Variants in PCDHGA4 observed in about 807,000 individuals in gnomAD.
PCDHGA4 encodes protocadherin gamma subfamily A, 4.
PCDHGA4 carries 38 observed loss-of-function variants against 54.6 expected under a neutral mutation model. The ratio of observed to expected loss-of-function variants is 0.70; its 90% CI spans 0.54 to 0.91. The LOEUF is 0.91. PCDHGA4 is among the 40% of genes least tolerant of loss of function. The pLI, the probability that PCDHGA4 is intolerant of heterozygous loss-of-function variation, is 0.00. For synonymous variants in PCDHGA4, 511 were observed against 512.9 expected, an observed-to-expected ratio of 1.00 and a Z score of 0.05; for missense variants, 1,298 against 1,220.9, an observed-to-expected ratio of 1.06 and a Z score of -0.94.
chr5:141,421,837 G>A, intron 1 of PCDHGA4: 1 of 1,613,782 alleles, frequency 6.2e-7, no homozygotes. Flanking sequence ...CCTGGACCGA[G>A]AGAAAGAGGC....
chr5:141,405,222 T>A, intron 1 of PCDHGA4: 5 of 1,613,886 alleles, frequency 3.1e-6, no homozygotes, highest in Non-Finnish European at 4.2e-6. Context: ...TCTCAGGAGT[T>A]CTCCCTCACC....
At chr5:141,372,101 C>T (rs984585015) in intron 1 of PCDHGA4, 8 of 1,613,794 alleles carry the variant, frequency 5.0e-6, no homozygotes, top group Middle Eastern at 1.7e-4. Context: ...CTCTGGGGCC[C>T]GAAGGCTCTG....
intron 1 of PCDHGA4, chr5:141,376,357 A>G: frequency 6.2e-7 from 1 of 1,614,012 alleles, no homozygotes; most frequent in Non-Finnish European, 8.5e-7. Context: ...ACGAGGTCTC[A>G]CTCACTGCAG....
At chr5:141,361,594 G>A in intron 1 of PCDHGA4, 1 of 1,614,056 alleles carries the variant, frequency 6.2e-7, no homozygotes, top group East Asian at 2.2e-5. Flanking sequence ...CAGTGGCCAA[G>A]TTTCCTACTC....
intron 1 of PCDHGA4, among the ~76,000 whole-genome samples, chr5:141,438,828 A>T (rs1364963084): frequency 6.7e-6 from 1 of 149,956 alleles, no homozygotes; most frequent in Non-Finnish European, 1.5e-5. Context: ...TGCCCAGCTA[A>T]TTTTTTAAAA....
intron 1 of PCDHGA4, chr5:141,359,904 T>C (rs1246134687): frequency 3.7e-5 from 15 of 410,546 alleles, no homozygotes; most frequent in Admixed American, 4.0e-5. Context: ...TGACAAGCCA[T>C]TAGTGCAGTT....
chr5:141,425,177 GGAATTCCAAACTGA>G (rs2096860295), intron 1 of PCDHGA4, among the ~76,000 whole-genome samples: 1 of 152,036 alleles, frequency 6.6e-6, no homozygotes, highest in South Asian at 2.1e-4. Flanking sequence ...TTATACTTGT[GGAATTCCAAACTGA>G]GAAAAATGAT....
At chr5:141,389,432 C>G in intron 1 of PCDHGA4, 1 of 1,610,650 alleles carries the variant, frequency 6.2e-7, no homozygotes, top group Non-Finnish European at 8.5e-7. Context: ...TCGCGCAGCG[C>G]GCCTTCGACC....
chr5:141,396,025 T>G (rs1486088514), intron 1 of PCDHGA4: 4 of 152,248 alleles, frequency 2.6e-5, no homozygotes, highest in African/African-American at 2.4e-5. Context: ...TTGTAAAATA[T>G]GTAAGAACAT....
intron 1 of PCDHGA4, chr5:141,427,093 G>A (rs1446677593): frequency 2.2e-6 from 1 of 458,122 alleles, no homozygotes. Flanking sequence ...CAGGATGAGG[G>A]TGTCAATGCG....
Position 141,357,605 on chromosome 5 carries a change from G to A in PCDHGA4, c.2498G>A (p.Gly833Glu). The A allele has an allele frequency of 1.2e-6, 2 of 1,614,024 alleles. No individual in the cohort carries two copies. The highest frequency in any genetic ancestry group is 1.7e-6 in the Non-Finnish European group (2 of 1,179,938). The change falls in exon 1 of 4, where the codon GGA becomes GAA. Residue 833 changes from glycine to glutamate, a missense_variant. Physicochemically the swap from Gly to Glu is moderately conservative, Grantham distance 98. Coordinates refer to ENST00000571252, the MANE Select transcript of PCDHGA4 (RefSeq NM_018917.4). ...LITQDLLETKGDPNLQQAPPN... is the reference protein window; with the variant it reads ...LITQDLLETKEDPNLQQAPPN... ...ACTCAGGATTTACTTGAAACAAAAG[G>A]AGACCCTAATCTTCAGGTGAGTCAA...
At chr5:141,376,679 T>G (rs1008866087) in intron 1 of PCDHGA4, 29 of 528,326 alleles carry the variant, frequency 5.5e-5, no homozygotes, top group East Asian at 4.1e-5. Flanking sequence ...GGGTATCGTT[T>G]TTTTTTTTTT....
chr5:141,502,126 A>C (rs2154593060), intron 2 of PCDHGA4, among the ~76,000 whole-genome samples: 1 of 152,252 alleles, frequency 6.6e-6, no homozygotes, highest in South Asian at 2.1e-4. Flanking sequence ...AGGCCCACAG[A>C]GCTCAGTCGG....
At chr5:141,462,459 C>T (rs190781980) in intron 1 of PCDHGA4, among the ~76,000 whole-genome samples, 11 of 152,128 alleles carry the variant, frequency 7.2e-5, no homozygotes, top group Admixed American at 2.6e-4. Flanking sequence ...TAACTGAAAA[C>T]TGTGTATTCT....
Position 141,419,399 on chromosome 5 carries a change from G to C in PCDHGA4, c.2514+61778G>C, listed in dbSNP as rs893535249. On this transcript the variant is annotated intron_variant, in intron 1 of 3. Coordinates refer to ENST00000571252, the MANE Select transcript of PCDHGA4 (RefSeq NM_018917.4). ...GTCCGTGAGCGCGCAGAGCGGGGTG[G>C]TGTTCGCGCAGCGCGCCTTCGACCA... 1.7e-5 allele frequency: 28 copies of C among 1,613,470 alleles called. No individual in the cohort carries two copies. Among genetic ancestry groups the C allele is most frequent in the Admixed American group, 1.7e-5 (1 of 60,014 alleles).
At chr5:141,479,328 G>C (rs568506786) in intron 1 of PCDHGA4, 3 of 152,536 alleles carry the variant, frequency 2.0e-5, no homozygotes, top group African/African-American at 7.2e-5. Context: ...CAGACTCAGT[G>C]GTGTGCACCT....
intron 1 of PCDHGA4, chr5:141,400,262 G>A: frequency 6.2e-7 from 1 of 1,614,032 alleles, no homozygotes; most frequent in Non-Finnish European, 8.5e-7. Flanking sequence ...TTGCGCCTGC[G>A]ACGCTCCTCC....
intron 1 of PCDHGA4, chr5:141,442,421 T>G (rs1288481455): frequency 1.3e-5 from 2 of 152,290 alleles, no homozygotes; most frequent in East Asian, 3.9e-4. Flanking sequence ...TGAACTTCTT[T>G]TTTGAATCCC....
At chr5:141,369,704 C>T (rs1256951546) in intron 1 of PCDHGA4, among the ~76,000 whole-genome samples, 1 of 152,224 alleles carries the variant, frequency 6.6e-6, no homozygotes, top group Non-Finnish European at 1.5e-5. Context: ...AAAGCTATGA[C>T]ATTATAACTT....
Sources: gnomAD v4.1 joint callset for allele counts (sites outside exome capture counted in the v4.1 genomes callset) on GRCh38, gnomAD v4.1.1 for gene constraint, MANE v1.5 for transcripts, NCBI Gene and HGNC (gene_info 2026-07-23, HGNC 2026-07-21) for gene names.